Variants in MYH9 observed in about 807,000 individuals in gnomAD.
MYH9 encodes myosin heavy chain 9, also known as myosin-9.
A neutral mutation model predicts 241.9 loss-of-function variants in MYH9; 29 were observed. The ratio of observed to expected loss-of-function variants is 0.12; its 90% CI spans 0.09 to 0.16. MYH9 has a LOEUF of 0.16. Ranked by LOEUF, MYH9 falls within the 10% of genes least tolerant of loss-of-function variation. The pLI is 1.00. For synonymous variants in MYH9, 1,047 were observed against 1,062.6 expected (o/e 0.99, Z 0.29); for missense variants, 1,803 against 2,595.5 (o/e 0.69, Z 6.63).
At chr22:36,345,414 T>C (rs562813022) in intron 2 of MYH9, among the ~76,000 whole-genome samples, 1 of 151,752 alleles carries the variant, frequency 6.6e-6, no homozygotes, top group Admixed American at 6.5e-5. Context: ...AGCTGGGATT[T>C]GAACCAGGTC....
chr22:36,387,111 T>A (rs1275424750), intron 1 of MYH9, among the ~76,000 whole-genome samples: 1 of 152,176 alleles, frequency 6.6e-6, no homozygotes, highest in African/African-American at 2.4e-5. Context: ...TGGCCCTTCC[T>A]GTCTCGCGCC....
chr22:36,343,717 G>A (rs2017627685), intron 2 of MYH9, among the ~76,000 whole-genome samples: 1 of 152,196 alleles, frequency 6.6e-6, no homozygotes, highest in East Asian at 1.9e-4. Flanking sequence ...CTCTGAAGAA[G>A]TGTAAACACG....
intron 5 of MYH9, 30 bp downstream of exon 5, chr22:36,326,538 G>C: frequency 6.3e-7 from 1 of 1,597,478 alleles, no homozygotes; most frequent in Non-Finnish European, 8.6e-7. Flanking sequence ...CCAAGCAGGC[G>C]GCCACAGGGA....
intron 1 of MYH9, among the ~76,000 whole-genome samples, chr22:36,374,072 T>C (rs190919384): frequency 1.5e-3 from 227 of 152,090 alleles, no homozygotes; most frequent in Admixed American, 0.013. Context: ...CCTTATTTTT[T>C]TTTTTTTTAC....
intron 1 of MYH9, among the ~76,000 whole-genome samples, chr22:36,386,861 G>A (rs1369636384): frequency 6.6e-6 from 1 of 152,278 alleles, no homozygotes; most frequent in Non-Finnish European, 1.5e-5. Flanking sequence ...GCACAGGGAA[G>A]CGGGTGCGTG....
Position 36,294,169 on chromosome 22 carries a change from G to A in MYH9, c.3760C>T (p.Leu1254=), listed in dbSNP as rs1263335850. 1 of 1,613,646 alleles carries A rather than the reference G, an allele frequency of 6.2e-7. No individual in the cohort carries two copies. Among genetic ancestry groups the A allele is most frequent in the Non-Finnish European group, 8.5e-7 (1 of 1,180,048 alleles). Residue 1254 remains leucine (L), a synonymous_variant, in exon 28 of 41, where the codon CTG becomes TTG. Transcript: ENST00000216181. ...TTGAACTTGACCTGCAGCTCCTGCAGCTGCGCCTCCACTTTCTTGCGCTTG... is the reference window on the plus strand; with the variant it reads ...TTGAACTTGACCTGCAGCTCCTGCAACTGCGCCTCCACTTTCTTGCGCTTG... ...EHKRKKVEAQ[L]QELQVKFNEG...
At chr22:36,373,609 C>T (rs2018120861) in intron 1 of MYH9, among the ~76,000 whole-genome samples, 2 of 152,212 alleles carry the variant, frequency 1.3e-5, no homozygotes, top group African/African-American at 4.8e-5. Context: ...CACAACCACA[C>T]CAGAGTGAAG....
chr22:36,306,471 C>T lies in MYH9; in HGVS notation c.1980G>A (p.Thr660=), dbSNP rs200975323. ...CAAAGTTGGGGTTCGTGTTCCTCAG[C>T]GTAGCCATCAGCTTGGCCAGCTGCT... is the stretch of plus-strand genomic sequence containing the variant. ...YKEQLAKLMA[T]LRNTNPNFVR... Residue 660 remains threonine (T), a synonymous_variant, in exon 16 of 41, where the codon ACG becomes ACA. Coordinates refer to ENST00000216181, the MANE Select transcript of MYH9 (RefSeq NM_002473.6). This position sits in a 1 kb window ranked among gnomAD's most constrained non-coding sequence, Gnocchi z 4.1. 163 of 1,614,124 alleles carry T rather than the reference C, an allele frequency of 1.0e-4. 2 individuals carry two copies. In the South Asian group the frequency reaches 1.1e-3, roughly 11 times the overall value.
In MYH9 at chr22:36,312,034, G is replaced by A. The variant is rs374840170; in HGVS notation, c.1728+15C>T. On this transcript the variant is annotated intron_variant, in intron 14 of 40. Coordinates refer to ENST00000216181, the MANE Select transcript of MYH9 (RefSeq NM_002473.6). Reference sequence around the variant, plus strand: ...GTGAAGATCTGGCCAGCACCTCCCCGTGAGCGCTCCTCACCTTGCCGGCAT... The same window carrying A: ...GTGAAGATCTGGCCAGCACCTCCCCATGAGCGCTCCTCACCTTGCCGGCAT... 1.9e-5 allele frequency: 31 copies of A among 1,613,618 alleles called. No individual in the cohort carries two copies. In the African/African-American group the frequency reaches 2.7e-4, roughly 14 times the overall value.
chr22:36,318,094 T>C lies in MYH9; in HGVS notation c.1227+113A>G, dbSNP rs2017187877. ...CTGTGAGGACTGCATCATGGAATCA[T>C]GTGAAAGTGCCTGACACGGACACCC... On this transcript the variant is annotated intron_variant, in intron 11 of 40. Transcript: ENST00000216181. 7 of 911,128 alleles carry C rather than the reference T, an allele frequency of 7.7e-6. No individual in the cohort carries two copies. The Admixed American group carries it at 8.5e-5, about 11-fold the overall frequency. 56.4% of individuals were successfully genotyped at this position (911,128 alleles called of 1,614,324 possible). A position where few individuals can be genotyped will look rare whatever the true frequency, so the allele number is the denominator to read the frequency against.
intron 1 of MYH9, among the ~76,000 whole-genome samples, chr22:36,356,010 C>G (rs2017850359): frequency 6.6e-6 from 1 of 152,206 alleles, no homozygotes; most frequent in African/African-American, 2.4e-5. Context: ...CATTTGAGTT[C>G]TCTGTGCCCA....
intron 31 of MYH9, 37 bp from the exon 32 acceptor site, chr22:36,289,334 C>T (rs772251843): frequency 3.0e-5 from 47 of 1,570,070 alleles, no homozygotes; most frequent in Admixed American, 3.7e-5. Flanking sequence ...CTCAGAGCTA[C>T]GGCCCCCAGC....
At chr22:36,352,724 G>A (rs1277491673) in intron 1 of MYH9, among the ~76,000 whole-genome samples, 1 of 152,214 alleles carries the variant, frequency 6.6e-6, no homozygotes, top group African/African-American at 2.4e-5. Flanking sequence ...GTTCTTGCAA[G>A]AGGAAGAGAG....
Position 36,306,791 on chromosome 22 carries a change from C to T in MYH9, c.1844-184G>A, listed in dbSNP as rs531077577. 6.6e-6 allele frequency among the ~76,000 whole-genome samples: 1 copy of T among 152,216 alleles called. No homozygotes were observed. The highest frequency in any genetic ancestry group is 2.1e-4 in the South Asian group (1 of 4,826). On this transcript the variant is annotated intron_variant, in intron 15 of 40. Coordinates refer to ENST00000216181, the MANE Select transcript of MYH9 (RefSeq NM_002473.6). The surrounding 1 kb of genome is among the most constrained non-coding windows in gnomAD (Gnocchi z 4.1). The stretch of plus-strand genomic sequence containing the variant: ...GGTCATCCCCAAACACAGCGGGAAG[C>T]CAAGGGGGATGCAAAGGCACTGGGC...
chr22:36,288,434 A>C lies in MYH9; in HGVS notation c.4771-21T>G. The C allele has an allele frequency of 1.9e-6, 3 of 1,605,542 alleles. No individual in the cohort carries two copies. Among genetic ancestry groups the C allele is most frequent in the Non-Finnish European group, 2.5e-6 (3 of 1,179,864 alleles). The stretch of plus-strand genomic sequence containing the variant: ...CGCACCTGGGGGAAGGAACATCAAC[A>C]ACTTGGGAAGCTGGACCCACTGGGA... On this transcript the variant is annotated intron_variant, in intron 33 of 40. Coordinates refer to ENST00000216181, the MANE Select transcript of MYH9 (RefSeq NM_002473.6). This position sits in a 1 kb window ranked among gnomAD's most constrained non-coding sequence, Gnocchi z 4.8.
chr22:36,340,204 T>A (rs565192945), intron 3 of MYH9, among the ~76,000 whole-genome samples: 1 of 150,086 alleles, frequency 6.7e-6, no homozygotes, highest in African/African-American at 2.4e-5. Flanking sequence ...TTGCCATTAC[T>A]TTTAATGGCA....
At chr22:36,284,659 G>A (rs183219793) in intron 38 of MYH9, 148 bp from the exon 39 acceptor site, 216 of 762,810 alleles carry the variant, frequency 2.8e-4, no homozygotes, top group African/African-American at 2.0e-3. Flanking sequence ...ATGTGTACCC[G>A]GCTTCTTACG....
At chr22:36,296,576 T>TA (rs1375258418) in intron 25 of MYH9, among the ~76,000 whole-genome samples, 5 of 143,538 alleles carry the variant, frequency 3.5e-5, no homozygotes, top group Non-Finnish European at 1.5e-5. Context: ...AGTGTGCCTA[T>TA]AGCAAGAAAT....
chr22:36,334,573 C>T (rs1318545303), intron 3 of MYH9, among the ~76,000 whole-genome samples: 1 of 152,200 alleles, frequency 6.6e-6, no homozygotes, highest in East Asian at 1.9e-4. Context: ...ACTTCCTGCA[C>T]CTGGACTCTC....
Sources: gnomAD v4.1 joint callset for allele counts (sites outside exome capture counted in the v4.1 genomes callset) on GRCh38, gnomAD v4.1.1 for gene constraint, Gnocchi (gnomAD v3.1) non-coding constraint, MANE v1.5 for transcripts, NCBI Gene and HGNC (gene_info 2026-07-23, HGNC 2026-07-21) for gene names.